The following EHBP1 variants were observed in gnomAD, a reference collection of about 807,000 sequenced individuals.
EHBP1 encodes EH domain binding protein 1.
EHBP1 carries 55 observed loss-of-function variants against 144.0 expected under a neutral mutation model. That is an observed-to-expected ratio of 0.38 (90% CI 0.31 to 0.48). The LOEUF is 0.48. Among genes scored for constraint, EHBP1 ranks in the 20% least tolerant of loss-of-function variants. EHBP1 has a pLI of 0.98. For synonymous variants in EHBP1, 469 were observed against 472.7 expected (o/e 0.99, Z 0.10); for missense variants, 1,200 against 1,364.2 (o/e 0.88, Z 1.90).
chr2:62,787,394 G>GCCCCCC (rs72201800), intron 5 of EHBP1, among the ~76,000 whole-genome samples: 93 of 70,488 alleles, frequency 1.3e-3, no homozygotes, highest in South Asian at 1.6e-3. Flanking sequence ...CTGCACCGCT[G>GCCCCCC]CCCCCCCCCC....
rs185251471 is a variant in EHBP1, at chr2:62,740,370, G to A, written c.105-7025G>A. On this transcript the variant is annotated intron_variant, in intron 2 of 22. Coordinates refer to ENST00000431489, the MANE Select transcript of EHBP1 (RefSeq NM_001142616.3). ...TTTTTTTCCCTATTGAATAATTACT[G>A]CAGCTTGCAAAATAACTCTTGTGAG... Among the ~76,000 whole-genome samples the A allele has an allele frequency of 9.5e-3, 1,438 of 152,036 alleles. 13 individuals are homozygous for A. The highest frequency in any genetic ancestry group is 0.015 in the Non-Finnish European group (1,038 of 67,988).
intron 5 of EHBP1, among the ~76,000 whole-genome samples, chr2:62,816,252 A>C (rs2045442029): frequency 6.6e-6 from 1 of 152,218 alleles, no homozygotes; most frequent in African/African-American, 2.4e-5. Context: ...AGATAAAGAC[A>C]TTGAAGAGAT....
At chr2:62,934,437 T>A (rs183437382) in intron 10 of EHBP1, among the ~76,000 whole-genome samples, 51 of 152,348 alleles carry the variant, frequency 3.3e-4, no homozygotes, top group Admixed American at 2.6e-4. Flanking sequence ...CTTACTGATC[T>A]GTGGATATTC....
Position 62,933,000 on chromosome 2 carries a change from T to C in EHBP1, c.1186-9718T>C, listed in dbSNP as rs530290675. On this transcript the variant is annotated intron_variant, in intron 10 of 22. Coordinates refer to ENST00000431489, the MANE Select transcript of EHBP1 (RefSeq NM_001142616.3). ...AAGATGGTAAATATTATGTGTATTT[T>C]ACTACAATAAAAAGAAATTATTAAA... Among the ~76,000 whole-genome samples the C allele has an allele frequency of 1.5e-3, 230 of 151,918 alleles. 2 individuals are homozygous for C. The South Asian group carries it at 0.022, about 14-fold the overall frequency.
At chr2:62,861,232 C>T (rs1052965196) in intron 8 of EHBP1, among the ~76,000 whole-genome samples, 4 of 148,912 alleles carry the variant, frequency 2.7e-5, no homozygotes, top group East Asian at 4.1e-4. Flanking sequence ...CGGGTTCAAG[C>T]GTTTCTCCTG....
intron 10 of EHBP1, among the ~76,000 whole-genome samples, chr2:62,916,283 A>C: frequency 6.6e-6 from 1 of 152,146 alleles, no homozygotes; most frequent in East Asian, 1.9e-4. Context: ...CAAGATAGGC[A>C]AATTGGACTC....
intron 7 of EHBP1, among the ~76,000 whole-genome samples, chr2:62,841,872 T>C (rs2047910172): frequency 6.6e-6 from 1 of 152,154 alleles, no homozygotes; most frequent in Non-Finnish European, 1.5e-5. Flanking sequence ...CTTAGTTTGC[T>C]TGGGCTGCTG....
intron 5 of EHBP1, among the ~76,000 whole-genome samples, chr2:62,782,190 C>T (rs576942829): frequency 6.6e-6 from 1 of 152,324 alleles, no homozygotes; most frequent in Non-Finnish European, 1.5e-5. Context: ...CAAGAGAACA[C>T]CTCCACTCAG....
chr2:62,812,924 GT>G (rs1573486206), intron 5 of EHBP1, among the ~76,000 whole-genome samples: 1 of 152,208 alleles, frequency 6.6e-6, no homozygotes, highest in East Asian at 1.9e-4. Flanking sequence ...CAAACTAAGA[GT>G]TTAGCTAAGC....
chr2:63,026,514 AG>A (rs1268431025), intron 19 of EHBP1, among the ~76,000 whole-genome samples: 1 of 152,194 alleles, frequency 6.6e-6, no homozygotes, highest in Non-Finnish European at 1.5e-5. Flanking sequence ...TCCTTTTTAC[AG>A]ATGAGGAAAC....
chr2:62,790,122 A>G (rs2043076191), intron 5 of EHBP1, among the ~76,000 whole-genome samples: 1 of 152,202 alleles, frequency 6.6e-6, no homozygotes, highest in African/African-American at 2.4e-5. Flanking sequence ...ATTCTTGATG[A>G]TTGACCTTTA....
intron 10 of EHBP1, among the ~76,000 whole-genome samples, chr2:62,930,137 A>T (rs1024275272): frequency 6.6e-6 from 1 of 152,128 alleles, no homozygotes. Flanking sequence ...TAGTCCCACT[A>T]CTTGAGAGGC....
At chr2:62,692,696 A>G (rs942555918) in intron 1 of EHBP1, among the ~76,000 whole-genome samples, 3 of 152,070 alleles carry the variant, frequency 2.0e-5, no homozygotes, top group Non-Finnish European at 4.4e-5. Flanking sequence ...ATAAATGTCA[A>G]TTTAAATTCT....
At chr2:62,782,267 G>A (rs956153863) in intron 5 of EHBP1, among the ~76,000 whole-genome samples, 3 of 152,202 alleles carry the variant, frequency 2.0e-5, no homozygotes, top group Non-Finnish European at 4.4e-5. Flanking sequence ...TATGGTAAAT[G>A]TATAATGATA....
intron 3 of EHBP1, among the ~76,000 whole-genome samples, chr2:62,748,377 A>G (rs1344097694): frequency 1.3e-5 from 2 of 152,096 alleles, no homozygotes; most frequent in Non-Finnish European, 2.9e-5. Context: ...TATCCTGGCC[A>G]GATTCTATCC....
chr2:62,959,858 T>C (rs901958787), intron 14 of EHBP1, among the ~76,000 whole-genome samples: 3 of 152,204 alleles, frequency 2.0e-5, no homozygotes, highest in African/African-American at 4.8e-5. Flanking sequence ...ACAAGTAAAC[T>C]TAAGTCCTTC....
intron 10 of EHBP1, among the ~76,000 whole-genome samples, chr2:62,905,661 C>A (rs1284203600): frequency 1.3e-5 from 2 of 151,832 alleles, no homozygotes; most frequent in East Asian, 3.9e-4. Context: ...CCCATCTCTA[C>A]AAAAATACAA....
chr2:62,881,418 G>GAAA (rs371288881), intron 10 of EHBP1, among the ~76,000 whole-genome samples: 109 of 69,642 alleles, frequency 1.6e-3, no homozygotes, highest in African/African-American at 3.4e-3. Flanking sequence ...AGGAAAAACG[G>GAAA]AAAAAAAAAA....
Position 62,979,209 on chromosome 2 carries a change from C to T in EHBP1, c.2482C>T (p.Arg828Trp), listed in dbSNP as rs143970378. ...TTAGCAGCAAGATGAAGAGCGACGT[C>T]GGCAGCTGAGAGAGAGAGCTCGTCA... ...LSDQQDEERRRQLRERARQLI... is the reference protein window; with the variant it reads ...LSDQQDEERRWQLRERARQLI... Residue 828 changes from arginine (R) to tryptophan (W), a missense_variant, in exon 15 of 23, where the codon CGG becomes TGG. Arg to Trp is a moderately radical substitution (Grantham distance 101, BLOSUM62 -3). Coordinates refer to ENST00000431489, the MANE Select transcript of EHBP1 (RefSeq NM_001142616.3). 1,226 of 1,613,078 alleles carry T rather than the reference C, an allele frequency of 7.6e-4. No individual in the cohort carries two copies. Among genetic ancestry groups the T allele is most frequent in the Non-Finnish European group, 9.6e-4 (1,131 of 1,179,410 alleles).
Sources: allele counts gnomAD v4.1 joint callset (sites outside exome capture counted in the v4.1 genomes callset), GRCh38; gene constraint gnomAD v4.1.1; transcripts MANE v1.5; gene names NCBI Gene and HGNC (gene_info 2026-07-23, HGNC 2026-07-21).